KDM2B: variants seen among roughly 807,000 people sequenced by gnomAD.
KDM2B encodes the protein lysine-specific demethylase 2B.
Under a neutral mutation model 150.0 loss-of-function variants are expected in KDM2B, and 26 were observed. That is an observed-to-expected ratio of 0.17 (90% confidence interval 0.13 to 0.24). KDM2B has a LOEUF of 0.24. Among genes scored for constraint, KDM2B ranks in the 10% least tolerant of loss-of-function variants. The pLI is 1.00. For missense variants in KDM2B, 1,265 were observed against 1,816.9 expected (o/e 0.70, Z 5.52); for synonymous variants, 734 against 729.5 (o/e 1.01, Z -0.10).
At chr12:121,422,233 G>C in the KDM2B span, among the ~76,000 whole-genome samples, 1 of 152,204 alleles carries the variant, frequency 6.6e-6, no homozygotes, top group African/African-American at 2.4e-5. Flanking sequence ...TCTAACCCTA[G>C]TTCAATCTCT....
At chr12:121,536,549 G>A (rs535667778) in intron 6 of KDM2B, among the ~76,000 whole-genome samples, 1 of 152,162 alleles carries the variant, frequency 6.6e-6, no homozygotes, top group Non-Finnish European at 1.5e-5. Context: ...GGAAAGGGGG[G>A]GTCCTGAAGC....
In KDM2B at chr12:121,513,763, G is replaced by C. The variant is rs1374445410; in HGVS notation, c.1048-361C>G. Among the ~76,000 whole-genome samples the C allele has an allele frequency of 6.6e-6, 1 of 152,170 alleles. No homozygotes were observed. The highest frequency in any genetic ancestry group is 6.5e-5 in the Admixed American group (1 of 15,270). On this transcript the variant is annotated intron_variant, in intron 9 of 22. Coordinates refer to ENST00000377071, the MANE Select transcript of KDM2B (RefSeq NM_032590.5). The surrounding 1 kb of genome is among the most constrained non-coding windows in gnomAD (Gnocchi z 5.0). ...AGGTGGGAGCCGCTGCCTGATTCTA[G>C]CTACAACAGACATAGGTTCCTCCTT...
In KDM2B at chr12:121,537,152, G is replaced by A. The variant is rs1236565065; in HGVS notation, c.684-2562C>T. Among the ~76,000 whole-genome samples, 1 of 151,686 alleles carries A rather than the reference G, an allele frequency of 6.6e-6. No homozygotes were observed. The highest frequency in any genetic ancestry group is 1.9e-4 in the East Asian group (1 of 5,152). ...CAAGCCTGGCCGCCCCTCCCACCCC[G>A]CGATCGCAGGCATTAGGGGAGCCAG... On this transcript the variant is annotated intron_variant, in intron 6 of 22. Coordinates refer to ENST00000377071, the MANE Select transcript of KDM2B (RefSeq NM_032590.5). The surrounding 1 kb of genome is among the most constrained non-coding windows in gnomAD (Gnocchi z 8.7).
the KDM2B span, chr12:121,417,916 G>A: frequency 1.5e-4 from 236 of 1,611,846 alleles, no homozygotes; most frequent in Non-Finnish European, 1.8e-4. This position sits in a 1 kb window ranked among gnomAD's most constrained non-coding sequence, Gnocchi z 5.0. Context: ...GCACAGGTAC[G>A]AGGGGGTAAC....
In KDM2B at chr12:121,502,760, CAAAAAAAAA is replaced by C. The variant is rs3080029; in HGVS notation, c.1647+6798_1647+6806del. Among the ~76,000 whole-genome samples the C allele has an allele frequency of 2.9e-4, 13 of 45,186 alleles. No individual in the cohort carries two copies. The East Asian group carries it at 3.3e-3, about 11-fold the overall frequency. 29.6% of individuals were successfully genotyped at this position (45,186 alleles called of 152,430 possible). A position where few individuals can be genotyped will look rare whatever the true frequency, so the allele number is the denominator to read the frequency against. ...AGCAGAGCGAGACCCCCATCTCTACCAAAAAAAAAAAAAAAAAAAAAAAAAAACTTAAAT... is the reference window on the plus strand; with the variant it reads ...AGCAGAGCGAGACCCCCATCTCTACCAAAAAAAAAAAAAAAAAACTTAAAT... On this transcript the variant is annotated intron_variant, in intron 11 of 22. Coordinates refer to ENST00000377071, the MANE Select transcript of KDM2B (RefSeq NM_032590.5).
At position 121,442,469 on chromosome 12, in the gene KDM2B, C is replaced by T; in HGVS notation, c.2972G>A (p.Cys991Tyr). The change falls in exon 19 of 23, where the codon TGC (cysteine) becomes TAC (tyrosine). Residue 991 changes from cysteine (C) to tyrosine (Y), a missense_variant. Transcript: ENST00000377071. This position sits in a 1 kb window ranked among gnomAD's most constrained non-coding sequence, Gnocchi z 7.7. ...CTTGCTGAAGCGGTGGGGACGCTCG[C>T]AGATGCCCGGGGGCCGCTTGGGCTC... ...GEEPKRPPGI[C>Y]ERPHRFSKGL... 2 of 1,599,706 alleles carry T rather than the reference C, an allele frequency of 1.3e-6. No homozygotes were observed. The highest frequency in any genetic ancestry group is 1.7e-6 in the Non-Finnish European group (2 of 1,179,752).
intron 11 of KDM2B, among the ~76,000 whole-genome samples, chr12:121,508,912 T>C (rs1885328024): frequency 6.6e-6 from 1 of 152,198 alleles, no homozygotes; most frequent in South Asian, 2.1e-4. Context: ...CGAGGCTTCC[T>C]GACAAGGCTG....
downstream of KDM2B, among the ~76,000 whole-genome samples, chr12:121,426,068 C>T (rs369585777): frequency 5.9e-5 from 9 of 152,314 alleles, no homozygotes; most frequent in East Asian, 1.5e-3. Flanking sequence ...TTAACATTTC[C>T]TCCAAATTGG....
In KDM2B at chr12:121,567,072, A is replaced by G. The variant is rs373102035; in HGVS notation, c.397+7475T>C. The stretch of plus-strand genomic sequence containing the variant: ...TCTCATTTTTGTATTTTTAGTAGAG[A>G]CGAGGTTTTACCATGTTGGCCAGGC... On this transcript the variant is annotated intron_variant, in intron 4 of 22. Transcript: ENST00000377071. Among the ~76,000 whole-genome samples, 57 of 152,102 alleles carry G rather than the reference A, an allele frequency of 3.7e-4. 3 individuals are homozygous for G. The South Asian group carries it at 0.012, about 31-fold the overall frequency.
chr12:121,490,728 G>A (rs1042964769), intron 12 of KDM2B, among the ~76,000 whole-genome samples: 5 of 152,320 alleles, frequency 3.3e-5, no homozygotes, highest in South Asian at 2.1e-4. Flanking sequence ...ACAGCCAGTC[G>A]GGTGGATGGT....
At chr12:121,579,591 A>T (rs1555317522) in intron 1 of KDM2B, 1 of 1,297,636 alleles carries the variant, frequency 7.7e-7, no homozygotes, top group African/African-American at 1.5e-5. Context: ...CAAAGCTCGG[A>T]TCGGAGACCC....
At chr12:121,478,309 AATG>A (rs1881620059) in intron 12 of KDM2B, among the ~76,000 whole-genome samples, 1 of 151,748 alleles carries the variant, frequency 6.6e-6, no homozygotes, top group Non-Finnish European at 1.5e-5. Flanking sequence ...CCCAATAGGT[AATG>A]TTTTTTGATC....
intron 8 of KDM2B, among the ~76,000 whole-genome samples, chr12:121,532,142 A>G (rs1344604300): frequency 2.3e-5 from 2 of 86,034 alleles, no homozygotes; most frequent in African/African-American, 9.4e-5. Flanking sequence ...AAAAAGCACA[A>G]CTCCTATGTG....
chr12:121,508,678 G>A (rs1330509330), intron 11 of KDM2B, among the ~76,000 whole-genome samples: 1 of 152,112 alleles, frequency 6.6e-6, no homozygotes, highest in Non-Finnish European at 1.5e-5. Context: ...TCACCCCCGG[G>A]TCCTCATCCC....
At chr12:121,523,855 G>A (rs1388959584) in intron 8 of KDM2B, among the ~76,000 whole-genome samples, 2 of 152,182 alleles carry the variant, frequency 1.3e-5, no homozygotes, top group Admixed American at 6.5e-5. Flanking sequence ...GGTTGCAAGC[G>A]GCCGTCGAGC....
At chr12:121,573,159 A>G (rs1432008192) in intron 4 of KDM2B, among the ~76,000 whole-genome samples, 1 of 128,970 alleles carries the variant, frequency 7.8e-6, no homozygotes, top group Non-Finnish European at 1.6e-5. Context: ...GGGTCTCACT[A>G]TGTTGCCCAG....
At position 121,429,835 on chromosome 12, in the gene KDM2B, A is replaced by G. The variant is rs547785474; in HGVS notation, c.*453T>C. ...CAAAAATAGTTCTGCATAATGTAAG[A>G]TGTAACAAAACCAACCAAACAAAAA... On this transcript the variant is annotated 3_prime_UTR_variant, in exon 23 of 23. Transcript: ENST00000377071. 6.3e-5 allele frequency: 36 copies of G among 570,098 alleles called. No homozygotes were observed. The highest frequency in any genetic ancestry group is 1.3e-4 in the Admixed American group (4 of 30,944). The allele number at this position is 570,098 out of a possible 1,614,324, so 35.3% of individuals were successfully genotyped here.
chr12:121,506,347 G>C (rs1555302957), intron 11 of KDM2B, among the ~76,000 whole-genome samples: 2 of 152,056 alleles, frequency 1.3e-5, no homozygotes. Context: ...ATGCCTGTCA[G>C]ACTAATCAGA....
In KDM2B at chr12:121,453,832, C is replaced by T. The variant is rs1412296599; in HGVS notation, c.1735-488G>A. The stretch of plus-strand genomic sequence containing the variant: ...GAAAGGCCGGTTGTTTTAAGCCACC[C>T]GTTATGGCAGCCCTAGGAGAGGACG... On this transcript the variant is annotated intron_variant, in intron 12 of 22. Transcript: ENST00000377071. The surrounding 1 kb of genome is among the most constrained non-coding windows in gnomAD (Gnocchi z 6.4). 1.3e-5 allele frequency among the ~76,000 whole-genome samples: 2 copies of T among 152,170 alleles called. No homozygotes were observed. Among genetic ancestry groups the T allele is most frequent in the Non-Finnish European group, 1.5e-5 (1 of 68,022 alleles).
Sources: gnomAD v4.1 joint callset for allele counts (sites outside exome capture counted in the v4.1 genomes callset) on GRCh38, gnomAD v4.1.1 for gene constraint, Gnocchi (gnomAD v3.1) non-coding constraint, MANE v1.5 for transcripts, NCBI Gene and HGNC (gene_info 2026-07-23, HGNC 2026-07-21) for gene names.